The following CBLN2 variants were observed in gnomAD, a reference collection of about 807,000 sequenced individuals.
CBLN2 encodes the protein cerebellin 2 precursor.
Under a neutral mutation model 15.0 loss-of-function variants are expected in CBLN2, and 7 were observed. The ratio of observed to expected loss-of-function variants is 0.47; its 90% CI spans 0.27 to 0.88. The LOEUF (loss-of-function observed/expected upper bound fraction) is 0.88. Among genes scored for constraint, CBLN2 ranks in the 40% least tolerant of loss-of-function variants. The pLI, the probability that CBLN2 is intolerant of heterozygous loss-of-function variation, is 0.14. For missense variants in CBLN2, 242 were observed against 304.5 expected, an observed-to-expected ratio of 0.79 and a Z score of 1.53; for synonymous variants, 149 against 135.2, an observed-to-expected ratio of 1.10 and a Z score of -0.71.
chr18:72,615,147 T>TAGA (rs1568132452), intron 1 of CBLN2, among the ~76,000 whole-genome samples: 32 of 133,254 alleles, frequency 2.4e-4, no homozygotes, highest in African/African-American at 8.8e-4. Context: ...TAAATAAATA[T>TAGA]AAATATAGAA....
At chr18:72,602,369 G>A (rs1328103786) in intron 1 of CBLN2, among the ~76,000 whole-genome samples, 2 of 152,134 alleles carry the variant, frequency 1.3e-5, no homozygotes, top group African/African-American at 2.4e-5. Context: ...CTGTCACTAC[G>A]CTTCTGGTAT....
Position 72,544,196 on chromosome 18 carries a change from G to C in CBLN2, c.-431C>G, listed in dbSNP as rs2069140455. On this transcript the variant is annotated 5_prime_UTR_variant, in exon 1 of 5. Transcript: ENST00000269503. ...AGAAGAAGACTGGGATGGCTGGGAC[G>C]AAGAGAGGGAAAAAAAAAGCTTGAG... is the stretch of plus-strand genomic sequence containing the variant. 6.6e-6 allele frequency: 1 copy of C among 151,692 alleles called. No homozygotes were observed. Among genetic ancestry groups the C allele is most frequent in the African/African-American group, 2.4e-5 (1 of 41,286 alleles). The allele number at this position is 151,692 out of a possible 1,614,324, so 9.4% of individuals were successfully genotyped here.
At chr18:72,622,719 A>C (rs187541384) in intron 1 of CBLN2, among the ~76,000 whole-genome samples, 1 of 152,258 alleles carries the variant, frequency 6.6e-6, no homozygotes, top group Non-Finnish European at 1.5e-5. Flanking sequence ...TGTGATTAAG[A>C]ATGCACTGTC....
intron 3 of CBLN2, chr18:72,538,990 A>G (rs2069089097): frequency 1.9e-6 from 1 of 513,316 alleles, no homozygotes; most frequent in African/African-American, 1.9e-5. Flanking sequence ...ATAAATTGTA[A>G]CTAATCAAGA....
In CBLN2 at chr18:72,542,108, C is replaced by A. The variant is rs778655027; in HGVS notation, c.53G>T (p.Arg18Leu). 7 of 1,453,016 alleles carry A rather than the reference C, an allele frequency of 4.8e-6. No homozygotes were observed. Among genetic ancestry groups the A allele is most frequent in the Admixed American group, 2.6e-5 (1 of 37,818 alleles). 90.0% of individuals were successfully genotyped at this position (1,453,016 alleles called of 1,614,324 possible). Reference sequence around the variant, plus strand: ...GCCCGGCTCGCGCAGCGCCCCCCGGCGCCCGGGCATCATCAGCCGCAGCCC... The same window carrying A: ...GCCCGGCTCGCGCAGCGCCCCCCGGAGCCCGGGCATCATCAGCCGCAGCCC... ...PLGLRLMMPG[R>L]RGALREPGGC... Residue 18 changes from arginine to leucine, a missense_variant, in exon 3 of 5, where the codon CGC becomes CTC. Physicochemically the swap from Arg to Leu is moderately radical, Grantham distance 102 (BLOSUM62 -2). Transcript: ENST00000269503.
Position 72,562,463 on chromosome 18 carries a change from G to T in CBLN2, c.16-23691C>A, listed in dbSNP as rs72634437. The stretch of plus-strand genomic sequence containing the variant: ...TTTCTCTCCTCCAGAGGTAAGATAT[G>T]GTCCAAATGACCCATTTAAGTATGA... On this transcript the variant is annotated intron_variant, in intron 1 of 2. Coordinates refer to the CBLN2 transcript ENST00000581073. 0.037 allele frequency among the ~76,000 whole-genome samples: 5,608 copies of T among 152,098 alleles called. 742 individuals carry two copies. In the East Asian group the frequency reaches 0.5, roughly 14 times the overall value.
Position 72,541,951 on chromosome 18 carries a change from G to T in CBLN2, c.210C>A (p.Ser70=). ...LEGKCLVVCD[S]SPSADGAVTS... ...TGACGGCGCCGTCCGCCGACGGGCT[G>T]GAGTCGCACACCACCAGGCACTTGC... The change falls in exon 3 of 5, where the codon TCC becomes TCA. Residue 70 remains serine, a synonymous_variant. Transcript: ENST00000269503. The T allele has an allele frequency of 6.2e-7, 1 of 1,607,742 alleles. No individual in the cohort carries two copies.
In CBLN2 at chr18:72,573,919, T is replaced by C. The variant is rs72634450; in HGVS notation, c.16-35147A>G. ...TCCAATCAGCAATAAATAAGAGTTC[T>C]TGTTGCACCACATCCTTGCCAGCAT... On this transcript the variant is annotated intron_variant, in intron 1 of 2. Transcript: ENST00000581073. Among the ~76,000 whole-genome samples, 7,050 of 152,306 alleles carry C rather than the reference T, an allele frequency of 0.046. 805 individuals are homozygous for C. In the East Asian group the frequency reaches 0.51, roughly 11 times the overall value.
chr18:72,618,608 A>T, intron 1 of CBLN2: 1 of 960,646 alleles, frequency 1.0e-6, no homozygotes, highest in South Asian at 1.3e-5. Flanking sequence ...ATTAAAGAAG[A>T]CACTGAAGAA....
intron 1 of CBLN2, among the ~76,000 whole-genome samples, chr18:72,587,275 T>A (rs1490359602): frequency 7.2e-5 from 11 of 152,104 alleles, no homozygotes; most frequent in African/African-American, 2.7e-4. Context: ...TTTGAATACA[T>A]GTATTGATTT....
chr18:72,613,252 G>A (rs1002420901), intron 1 of CBLN2, among the ~76,000 whole-genome samples: 1 of 152,104 alleles, frequency 6.6e-6, no homozygotes, highest in African/African-American at 2.4e-5. Flanking sequence ...ATGAATTTAA[G>A]GGGGGCAAAT....
rs2069072449 is a variant in CBLN2, at chr18:72,537,469, G to A, written c.*707C>T. 6.6e-6 allele frequency: 1 copy of A among 152,516 alleles called. No homozygotes were observed. Among genetic ancestry groups the A allele is most frequent in the African/African-American group, 2.4e-5 (1 of 41,420 alleles). The allele number at this position is 152,516 out of a possible 1,614,324, so 9.4% of individuals were successfully genotyped here. The stretch of plus-strand genomic sequence containing the variant: ...TATTTTCTCTCCTCAACCCCAGCAA[G>A]AAAAATAAAAGTGGGGTTGAGGAGG... On this transcript the variant is annotated 3_prime_UTR_variant, in exon 5 of 5. Transcript: ENST00000269503.
intron 1 of CBLN2, chr18:72,618,480 A>C: frequency 1.5e-6 from 1 of 669,110 alleles, no homozygotes; most frequent in South Asian, 1.4e-5. Context: ...GGATGCAGCC[A>C]TGAATGCAAG....
In CBLN2 at chr18:72,541,871, G is replaced by A; in HGVS notation, c.290C>T (p.Ala97Val). 1 of 1,605,046 alleles carries A rather than the reference G, an allele frequency of 6.2e-7. No homozygotes were observed. The highest frequency in any genetic ancestry group is 1.3e-5 in the African/African-American group (1 of 74,812). The change falls in exon 3 of 5, where the codon GCC (alanine) becomes GTC (valine). Residue 97 changes from alanine (A) to valine (V), a missense_variant. Physicochemically the swap from Ala to Val is moderately conservative, Grantham distance 64. Coordinates refer to ENST00000269503, the MANE Select transcript of CBLN2 (RefSeq NM_182511.4). Reference sequence around the variant, plus strand: ...CGGCTCGTGGTTGGTGCTCCGCGTGGCGGAGAAGGCCACCTTGGCGCTGCC... The same window carrying A: ...CGGCTCGTGGTTGGTGCTCCGCGTGACGGAGAAGGCCACCTTGGCGCTGCC... ...RSGSAKVAFS[A>V]TRSTNHEPSE...
intron 1 of CBLN2, among the ~76,000 whole-genome samples, chr18:72,590,083 C>T (rs2069470040): frequency 6.6e-6 from 1 of 152,162 alleles, no homozygotes; most frequent in South Asian, 2.1e-4. Context: ...CTGGCTAACA[C>T]AGTGAAACCC....
chr18:72,613,459 T>C (rs1453487749), intron 1 of CBLN2, among the ~76,000 whole-genome samples: 1 of 151,508 alleles, frequency 6.6e-6, no homozygotes, highest in Non-Finnish European at 1.5e-5. Flanking sequence ...TAAATTATTA[T>C]TAGTAATAGG....
Position 72,541,842 on chromosome 18 carries a change from C to G in CBLN2, c.319G>C (p.Glu107Gln). 6.3e-7 allele frequency: 1 copy of G among 1,591,096 alleles called. No homozygotes were observed. Among genetic ancestry groups the G allele is most frequent in the Non-Finnish European group, 8.5e-7 (1 of 1,171,056 alleles). ...ATGGTCATGGTGCGGTTGCTCATCTCGGACGGCTCGTGGTTGGTGCTCCGC... is the reference window on the plus strand; with the variant it reads ...ATGGTCATGGTGCGGTTGCTCATCTGGGACGGCTCGTGGTTGGTGCTCCGC... ...ATRSTNHEPSEMSNRTMTIYF... is the reference protein window; with the variant it reads ...ATRSTNHEPSQMSNRTMTIYF... Residue 107 changes from glutamate (E) to glutamine (Q), a missense_variant, in exon 3 of 5, where the codon GAG becomes CAG. Coordinates refer to ENST00000269503, the MANE Select transcript of CBLN2 (RefSeq NM_182511.4).
At chr18:72,608,576 T>A (rs1488808186) in intron 1 of CBLN2, among the ~76,000 whole-genome samples, 3 of 152,164 alleles carry the variant, frequency 2.0e-5, no homozygotes, top group Non-Finnish European at 2.9e-5. Context: ...AAGTTGAGCC[T>A]GAAAGTGAAT....
chr18:72,587,750 T>C (rs2069453353), intron 1 of CBLN2, among the ~76,000 whole-genome samples: 1 of 152,200 alleles, frequency 6.6e-6, no homozygotes, highest in African/African-American at 2.4e-5. Context: ...TCAATGACCA[T>C]GTGCAATATA....
Sources: allele counts gnomAD v4.1 joint callset (sites outside exome capture counted in the v4.1 genomes callset), GRCh38; gene constraint gnomAD v4.1.1; transcripts MANE v1.5; gene names NCBI Gene and HGNC (gene_info 2026-07-23, HGNC 2026-07-21).